CSDE1: variants seen among roughly 807,000 people sequenced by gnomAD.
CSDE1 encodes the protein cold shock domain-containing protein E1.
CSDE1 carries 17 observed loss-of-function variants against 89.3 expected under a neutral mutation model. The ratio of observed to expected loss-of-function variants is 0.19; its 90% CI spans 0.13 to 0.29. The LOEUF (loss-of-function observed/expected upper bound fraction) is 0.29. Among genes scored for constraint, CSDE1 ranks in the 10% least tolerant of loss-of-function variants. The pLI is 1.00. For synonymous variants in CSDE1, 322 were observed against 332.8 expected (o/e 0.97, Z 0.35); for missense variants, 672 against 984.2 (o/e 0.68, Z 4.24).
Position 114,717,195 on chromosome 1 carries a change from G to A in CSDE1, c.*974C>T, listed in dbSNP as rs1659223998. ...AGAAATCAGACCCATCCATTCCCGT[G>A]ATATAAAGTTGAACAGAAGCTACAC... On this transcript the variant is annotated 3_prime_UTR_variant, in exon 20 of 20. Transcript: ENST00000358528. 6.6e-6 allele frequency: 1 copy of A among 152,420 alleles called. No homozygotes were observed. The highest frequency in any genetic ancestry group is 1.5e-5 in the Non-Finnish European group (1 of 68,044). 9.4% of individuals were successfully genotyped at this position (152,420 alleles called of 1,614,324 possible).
intron 19 of CSDE1, 90 bp downstream of exon 19, chr1:114,718,523 T>C (rs1659329383): frequency 1.3e-6 from 2 of 1,507,304 alleles, no homozygotes; most frequent in Non-Finnish European, 8.9e-7. Flanking sequence ...CCCTGCTTCA[T>C]TAAGTTTCCT....
intron 13 of CSDE1, among the ~76,000 whole-genome samples, chr1:114,726,693 T>C (rs1659818520): frequency 6.6e-6 from 1 of 152,232 alleles, no homozygotes; most frequent in African/African-American, 2.4e-5. Flanking sequence ...GGTGTGCTTT[T>C]ACTTTGATAA....
In CSDE1 at chr1:114,720,635, G is replaced by C. The variant is rs150490395; in HGVS notation, c.1956C>G (p.Val652=). ...KGDCLQKGES[V]KFQLCVLGQN... is the part of the protein sequence containing the mutation. ...GGCCCAGGACACACAATTGGAACTT[G>C]ACGCTCTCCCCTTTCTGCAGGCAAT... Residue 652 remains valine, a synonymous_variant, in exon 17 of 20, where the codon GTC becomes GTG. Coordinates refer to ENST00000358528, the MANE Select transcript of CSDE1 (RefSeq NM_001007553.3). The C allele has an allele frequency of 5.0e-6, 8 of 1,614,042 alleles. No individual in the cohort carries two copies. The highest frequency in any genetic ancestry group is 5.9e-6 in the Non-Finnish European group (7 of 1,180,034).
chr1:114,739,062 C>T (rs1290689077), intron 3 of CSDE1, among the ~76,000 whole-genome samples: 3 of 150,746 alleles, frequency 2.0e-5, no homozygotes, highest in South Asian at 2.1e-4. Context: ...GACGGGGTCT[C>T]GCTCTGTCGC....
In CSDE1 at chr1:114,718,203, T is replaced by C; in HGVS notation, c.2363A>G (p.Glu788Gly). The C allele has an allele frequency of 6.2e-7, 1 of 1,614,120 alleles. No homozygotes were observed. Among genetic ancestry groups the C allele is most frequent in the Non-Finnish European group, 8.5e-7 (1 of 1,180,030 alleles). ...GPDNSMGFGAERKIRQAGVID is the reference protein window; with the variant it reads ...GPDNSMGFGAGRKIRQAGVID ...GACACCAGCTTGACGGATCTTTCTT[T>C]CTGCACCAAACCCCTGTGGGGGGGA... The change falls in exon 20 of 20, where the codon GAA becomes GGA. Residue 788 changes from glutamate to glycine, a missense_variant. Around this residue, in one of 8 missense-constraint regions of CSDE1, gnomAD observed 206 missense variants for 332.4 expected, o/e 0.62. Coordinates refer to ENST00000358528, the MANE Select transcript of CSDE1 (RefSeq NM_001007553.3).
chr1:114,730,777 T>C (rs1660055100), intron 10 of CSDE1, 129 bp from the exon 11 acceptor site: 7 of 1,099,804 alleles, frequency 6.4e-6, no homozygotes, highest in African/African-American at 3.1e-5. Flanking sequence ...GTATCCACAT[T>C]TGAACTGTTC....
intron 2 of CSDE1, among the ~76,000 whole-genome samples, chr1:114,745,833 A>C (rs1660981933): frequency 6.6e-6 from 1 of 152,228 alleles, no homozygotes; most frequent in Admixed American, 6.5e-5. Context: ...AAATTGATTA[A>C]AGTTCCCTGA....
In CSDE1 at chr1:114,738,661, C is replaced by CTTTTTTTTTTTTTT. The variant is rs752985259; in HGVS notation, c.200-603_200-590dup. On this transcript the variant is annotated intron_variant, in intron 3 of 19. Transcript: ENST00000358528. ...AAGCCAAACACTTCACATGTAAAAA[C>CTTTTTTTTTTTTTT]TTTTTTTTTTTTTTTTTTTTTTTTT... 6.2e-5 allele frequency among the ~76,000 whole-genome samples: 5 copies of CTTTTTTTTTTTTTT among 80,026 alleles called. 1 individual carries two copies. The highest frequency in any genetic ancestry group is 9.5e-5 in the Non-Finnish European group (4 of 41,992). 52.5% of individuals were successfully genotyped at this position (80,026 alleles called of 152,430 possible). A position where few individuals can be genotyped will look rare whatever the true frequency, so the allele number is the denominator to read the frequency against.
At chr1:114,739,923 C>A (rs767068488) in intron 2 of CSDE1, 33 bp from the exon 3 acceptor site, 1 of 1,539,700 alleles carries the variant, frequency 6.5e-7, no homozygotes, top group South Asian at 1.1e-5. Flanking sequence ...ATATACATAT[C>A]TGTACATTAT....
At chr1:114,737,905 T>C (rs1660490759) in intron 4 of CSDE1, 58 bp downstream of exon 4, 4 of 1,121,134 alleles carry the variant, frequency 3.6e-6, no homozygotes, top group South Asian at 1.2e-5. Flanking sequence ...CCTTTTCTAA[T>C]GTGAAAGATA....
intron 2 of CSDE1, among the ~76,000 whole-genome samples, chr1:114,746,223 T>C (rs1210647424): frequency 2.0e-5 from 3 of 152,208 alleles, no homozygotes; most frequent in African/African-American, 7.2e-5. Flanking sequence ...TAATTATTCA[T>C]TAAAGTGCAT....
At chr1:114,733,529 AAAG>A (rs1168418641) in intron 9 of CSDE1, among the ~76,000 whole-genome samples, 200 bp downstream of exon 9, 92 of 143,904 alleles carry the variant, frequency 6.4e-4, no homozygotes, top group African/African-American at 2.2e-3. Flanking sequence ...TGTCACAAAA[AAAG>A]AAAAAAAAAA....
intron 2 of CSDE1, among the ~76,000 whole-genome samples, chr1:114,740,496 A>G (rs189070498): frequency 1.3e-5 from 2 of 152,340 alleles, no homozygotes; most frequent in East Asian, 1.9e-4. Context: ...CTGAAACAAC[A>G]AAACTCCAAG....
chr1:114,754,679 T>A (rs946316654), intron 1 of CSDE1, among the ~76,000 whole-genome samples: 1 of 152,364 alleles, frequency 6.6e-6, no homozygotes, highest in South Asian at 2.1e-4. Flanking sequence ...ATTTTTACTT[T>A]AGGATCTAAG....
Position 114,724,154 on chromosome 1 carries a change from T to A in CSDE1, c.1754-152A>T, listed in dbSNP as rs1659676203. The A allele has an allele frequency of 6.3e-6, 4 of 632,534 alleles. No individual in the cohort carries two copies. In the Admixed American group the frequency reaches 1.3e-4, roughly 21 times the overall value. 39.2% of individuals were successfully genotyped at this position (632,534 alleles called of 1,614,324 possible). ...TAGGGAACCTGAAGCCAAGTTCTAT[T>A]TTTAGAACAGCTGCTGGACTTTAAA... On this transcript the variant is annotated intron_variant, in intron 15 of 19. Coordinates refer to ENST00000358528, the MANE Select transcript of CSDE1 (RefSeq NM_001007553.3).
At position 114,725,300 on chromosome 1, in the gene CSDE1, C is replaced by A. The variant is rs1659733934; in HGVS notation, c.1674G>T (p.Leu558=). The A allele has an allele frequency of 1.2e-6, 2 of 1,614,034 alleles. No individual in the cohort carries two copies. The highest frequency in any genetic ancestry group is 2.2e-5 in the South Asian group (2 of 91,092). The part of the protein sequence containing the change: ...EFSGDVDSLE[L]GDMVEYSLSK... The stretch of plus-strand genomic sequence containing the variant: ...ACAAGCTATACTCGACCATGTCCCC[C>A]AGTTCCAGGCTATCAACATCACCAG... Residue 558 remains leucine (L), a synonymous_variant, in exon 15 of 20, where the codon CTG becomes CTT. Transcript: ENST00000358528.
At chr1:114,732,899 C>A (rs1272419270) in intron 9 of CSDE1, 83 bp from the exon 10 acceptor site, 1 of 1,199,822 alleles carries the variant, frequency 8.3e-7, no homozygotes, top group Non-Finnish European at 1.2e-6. Context: ...ACATAGTAAA[C>A]CCATGTTATT....
chr1:114,730,695 G>A (rs1339389740), intron 10 of CSDE1, 47 bp from the exon 11 acceptor site: 2 of 1,604,952 alleles, frequency 1.2e-6, no homozygotes, highest in Admixed American at 3.4e-5. Flanking sequence ...TTGTCAAGAA[G>A]GCAACATTCA....
chr1:114,755,042 C>T (rs1335934434), intron 1 of CSDE1, among the ~76,000 whole-genome samples: 1 of 152,144 alleles, frequency 6.6e-6, no homozygotes, highest in African/African-American at 2.4e-5. Context: ...TTTAATTAAA[C>T]GTCTTATTTA....
Sources: allele counts gnomAD v4.1 joint callset (sites outside exome capture counted in the v4.1 genomes callset), GRCh38; gene constraint gnomAD v4.1.1; regional missense constraint gnomAD v4.1.1; transcripts MANE v1.5; gene names NCBI Gene and HGNC (gene_info 2026-07-23, HGNC 2026-07-21).